The following ASAP1 variants were observed in gnomAD, a reference collection of about 807,000 sequenced individuals.
The protein encoded by ASAP1 is arf-GAP with SH3 domain, ANK repeat and PH domain-containing protein 1.
ASAP1 carries 43 observed loss-of-function variants against 145.2 expected under a neutral mutation model. That is an observed-to-expected ratio of 0.30 (90% CI 0.23 to 0.38). ASAP1 has a LOEUF of 0.38. Among genes scored for constraint, ASAP1 ranks in the 10% least tolerant of loss-of-function variants. The pLI is 1.00. For missense variants in ASAP1, 1,018 were observed against 1,355.3 expected (o/e 0.75, Z 3.91); for synonymous variants, 546 against 515.5 (o/e 1.06, Z -0.80).
At chr8:130,056,558 C>A (rs1242059404) in intron 29 of ASAP1, among the ~76,000 whole-genome samples, 1 of 152,178 alleles carries the variant, frequency 6.6e-6, no homozygotes, top group Non-Finnish European at 1.5e-5. Flanking sequence ...CCCTGGAGGG[C>A]AAAATTGCCC....
chr8:130,168,854 G>C, intron 10 of ASAP1, 138 bp downstream of exon 10: 1 of 521,710 alleles, frequency 1.9e-6, no homozygotes, highest in South Asian at 3.2e-5. Context: ...TTAAACTGAA[G>C]GGTTATCTGT....
intron 9 of ASAP1, among the ~76,000 whole-genome samples, chr8:130,169,943 A>G (rs565021211): frequency 1.3e-5 from 2 of 152,334 alleles, no homozygotes; most frequent in African/African-American, 4.8e-5. Context: ...TCAGGAACCC[A>G]GTCTCTGATA....
chr8:130,130,972 C>T (rs780979631), intron 15 of ASAP1, among the ~76,000 whole-genome samples: 10 of 152,066 alleles, frequency 6.6e-5, no homozygotes, highest in South Asian at 2.1e-4. Context: ...CTGGCTAACA[C>T]GGTGAAACCC....
chr8:130,205,268 C>T (rs1816132023), intron 5 of ASAP1, among the ~76,000 whole-genome samples: 1 of 151,662 alleles, frequency 6.6e-6, no homozygotes, highest in Non-Finnish European at 1.5e-5. Flanking sequence ...GTGCATACAC[C>T]CTTTAGACAA....
At chr8:130,196,104 G>A (rs1815468443) in intron 5 of ASAP1, among the ~76,000 whole-genome samples, 1 of 152,226 alleles carries the variant, frequency 6.6e-6, no homozygotes. Context: ...CACGCTGGAA[G>A]GCCGAGGCAG....
At chr8:130,209,616 T>G (rs1008623815) in intron 5 of ASAP1, among the ~76,000 whole-genome samples, 1 of 152,162 alleles carries the variant, frequency 6.6e-6, no homozygotes, top group African/African-American at 2.4e-5. Context: ...AAAAATGGAT[T>G]TTTATCACAT....
At chr8:130,217,529 T>C (rs1817009503) in intron 4 of ASAP1, among the ~76,000 whole-genome samples, 1 of 103,210 alleles carries the variant, frequency 9.7e-6, no homozygotes, top group Non-Finnish European at 2.3e-5. Flanking sequence ...TATATGTGTG[T>C]ATATATGTAC....
At chr8:130,095,807 T>TG (rs2097516394) in intron 24 of ASAP1, among the ~76,000 whole-genome samples, 1 of 151,860 alleles carries the variant, frequency 6.6e-6, no homozygotes, top group African/African-American at 2.4e-5. Context: ...TTAGTAGAGA[T>TG]GGGGTTTCAC....
intron 16 of ASAP1, among the ~76,000 whole-genome samples, chr8:130,127,245 C>CT (rs2097576381): frequency 6.6e-6 from 1 of 152,106 alleles, no homozygotes; most frequent in South Asian, 2.1e-4. Flanking sequence ...TTGAGACAGT[C>CT]TCGCTCTGTC....
rs1826554019 is a variant in ASAP1, at chr8:130,358,926, G to T, written c.60-783C>A. ...TGCAAGAAGGGGGCCCAAAAAAGTT[G>T]TACGTGTTCTTTTTTAGTCGCGTGT... On this transcript the variant is annotated intron_variant, in intron 2 of 29. Coordinates refer to ENST00000518721, the MANE Select transcript of ASAP1 (RefSeq NM_018482.4). The surrounding 1 kb of genome is among the most constrained non-coding windows in gnomAD (Gnocchi z 4.1). Among the ~76,000 whole-genome samples, 1 of 152,080 alleles carries T rather than the reference G, an allele frequency of 6.6e-6. No individual in the cohort carries two copies. Among genetic ancestry groups the T allele is most frequent in the Non-Finnish European group, 1.5e-5 (1 of 67,994 alleles).
At chr8:130,421,200 C>CA in intron 1 of ASAP1, among the ~76,000 whole-genome samples, 2 of 152,214 alleles carry the variant, frequency 1.3e-5, no homozygotes, top group Admixed American at 1.3e-4. Flanking sequence ...ACAACAACAA[C>CA]AAAAAAATCA....
chr8:130,248,485 T>C (rs576195478), intron 3 of ASAP1, among the ~76,000 whole-genome samples: 11 of 152,234 alleles, frequency 7.2e-5, no homozygotes, highest in African/African-American at 2.2e-4. Context: ...AGAGATACAC[T>C]GGGACCCATC....
At chr8:130,371,611 G>T (rs1827216525) in intron 2 of ASAP1, among the ~76,000 whole-genome samples, 1 of 152,178 alleles carries the variant, frequency 6.6e-6, no homozygotes, top group South Asian at 2.1e-4. Context: ...GCTGGAAGAG[G>T]ACTCCTGTTA....
intron 2 of ASAP1, among the ~76,000 whole-genome samples, chr8:130,361,368 G>A (rs567212766): frequency 2.8e-4 from 42 of 152,244 alleles, no homozygotes; most frequent in African/African-American, 9.6e-4. Flanking sequence ...AGCAGGAGCC[G>A]ACTTGTGTAT....
chr8:130,076,258 T>A lies in ASAP1; in HGVS notation c.2701+90A>T. On this transcript the variant is annotated intron_variant, in intron 27 of 29. Transcript: ENST00000518721. ...TGCTGCTCTAGGCATTTGGGATGGA[T>A]CAATGAACAAGGGAGATAAAAACCT... is the stretch of plus-strand genomic sequence containing the variant. 4 of 853,430 alleles carry A rather than the reference T, an allele frequency of 4.7e-6. No individual in the cohort carries two copies. In the South Asian group the frequency reaches 6.7e-5, roughly 14 times the overall value. The allele number at this position is 853,430 out of a possible 1,614,324, so 52.9% of individuals were successfully genotyped here. A position where few individuals can be genotyped will look rare whatever the true frequency, so the allele number is the denominator to read the frequency against.
chr8:130,207,103 A>G (rs776902303), intron 5 of ASAP1, among the ~76,000 whole-genome samples: 28 of 152,186 alleles, frequency 1.8e-4, no homozygotes, highest in Non-Finnish European at 2.5e-4. Context: ...TCTTTTTTTA[A>G]ACAAGAAAGC....
chr8:130,428,434 C>T, intron 1 of ASAP1, among the ~76,000 whole-genome samples: 1 of 4,210 alleles, frequency 2.4e-4, no homozygotes, highest in African/African-American at 7.3e-4. Flanking sequence ...TCATCATCAT[C>T]ACCACCACCA....
intron 3 of ASAP1, among the ~76,000 whole-genome samples, chr8:130,293,481 A>AGC (rs1822070286): frequency 6.6e-6 from 1 of 152,236 alleles, no homozygotes; most frequent in African/African-American, 2.4e-5. Flanking sequence ...ATATTAAATC[A>AGC]GCCTTCAGTC....
At chr8:130,107,811 A>C (rs1221247362) in intron 24 of ASAP1, among the ~76,000 whole-genome samples, 2 of 152,112 alleles carry the variant, frequency 1.3e-5, no homozygotes, top group Non-Finnish European at 2.9e-5. Flanking sequence ...GGCCTCCCAC[A>C]GTGCTGGGAT....
Sources: allele counts gnomAD v4.1 joint callset (sites outside exome capture counted in the v4.1 genomes callset), GRCh38; gene constraint gnomAD v4.1.1; non-coding constraint Gnocchi (gnomAD v3.1); transcripts MANE v1.5; gene names NCBI Gene and HGNC (gene_info 2026-07-23, HGNC 2026-07-21).